The following LRRCC1 variants were observed in gnomAD, a reference collection of about 807,000 sequenced individuals.
The protein encoded by LRRCC1 is leucine rich repeat and coiled-coil centrosomal protein 1.
LRRCC1 carries 115 observed loss-of-function variants against 126.0 expected under a neutral mutation model. The ratio of observed to expected loss-of-function variants is 0.91; its 90% CI spans 0.78 to 1.07. LRRCC1 has a LOEUF of 1.07. Ranked by LOEUF, LRRCC1 falls within the 50% of genes least tolerant of loss-of-function variation. The pLI is 0.00. For missense variants in LRRCC1, 1,172 were observed against 1,175.7 expected, an observed-to-expected ratio of 1.00 and a Z score of 0.05; for synonymous variants, 400 against 393.4, an observed-to-expected ratio of 1.02 and a Z score of -0.20.
intron 12 of LRRCC1, among the ~76,000 whole-genome samples, chr8:85,133,193 A>G (rs1810609483): frequency 6.6e-6 from 1 of 152,174 alleles, no homozygotes; most frequent in Admixed American, 6.5e-5. Flanking sequence ...TTGTGAGTCA[A>G]ATTTGTCCTC....
chr8:85,140,755 G>A (rs1183491809), intron 17 of LRRCC1, among the ~76,000 whole-genome samples: 1 of 152,154 alleles, frequency 6.6e-6, no homozygotes, highest in African/African-American at 2.4e-5. Context: ...GTCATCATCT[G>A]TGAAGGTGCT....
At chr8:85,134,719 A>G in intron 12 of LRRCC1, 128 bp from the exon 13 acceptor site, 1 of 603,346 alleles carries the variant, frequency 1.7e-6, no homozygotes, top group Non-Finnish European at 2.7e-6. Flanking sequence ...ATCATCTGGA[A>G]ATTACTAGAT....
chr8:85,133,779 C>G (rs562542217), intron 12 of LRRCC1, among the ~76,000 whole-genome samples: 15 of 152,282 alleles, frequency 9.9e-5, no homozygotes, highest in Admixed American at 2.6e-4. Flanking sequence ...TAAGAGCTTT[C>G]AAGTTAATCT....
intron 3 of LRRCC1, 50 bp from the exon 4 acceptor site, chr8:85,112,882 A>G: frequency 7.5e-7 from 1 of 1,340,742 alleles, no homozygotes; most frequent in East Asian, 2.4e-5. Flanking sequence ...CTAATTAGCT[A>G]TTGGAAAGAC....
At chr8:85,138,719 CTAGTTCT>C (rs1275457679) in intron 17 of LRRCC1, among the ~76,000 whole-genome samples, 2 of 152,134 alleles carry the variant, frequency 1.3e-5, no homozygotes, top group African/African-American at 4.8e-5. Flanking sequence ...TATGAATTAT[CTAGTTCT>C]TAGAACAGTG....
Position 85,126,946 on chromosome 8 carries a change from G to A in LRRCC1, c.1421+109G>A, listed in dbSNP as rs944669587. 4.2e-6 allele frequency: 4 copies of A among 945,492 alleles called. No homozygotes were observed. The Admixed American group carries it at 1.1e-4, about 25-fold the overall frequency. 58.6% of individuals were successfully genotyped at this position (945,492 alleles called of 1,614,324 possible). A position where few individuals can be genotyped will look rare whatever the true frequency, so the allele number is the denominator to read the frequency against. ...GGTTCAATCAACAACAATGTATGTG[G>A]TTTTAGTTTGATTTGAACTAATTTT... On this transcript the variant is annotated intron_variant, in intron 9 of 18. Coordinates refer to ENST00000360375, the MANE Select transcript of LRRCC1 (RefSeq NM_033402.5).
intron 12 of LRRCC1, among the ~76,000 whole-genome samples, chr8:85,133,865 G>A (rs1248899486): frequency 6.6e-6 from 1 of 152,144 alleles, no homozygotes; most frequent in African/African-American, 2.4e-5. Flanking sequence ...TAAAATACAT[G>A]TTTGGTAATA....
At chr8:85,142,501 TAA>T in intron 18 of LRRCC1, among the ~76,000 whole-genome samples, 1 of 152,076 alleles carries the variant, frequency 6.6e-6, no homozygotes, top group Non-Finnish European at 1.5e-5. Flanking sequence ...TCAGCAACTA[TAA>T]AAGAGTTCAC....
Position 85,131,967 on chromosome 8 carries a change from A to T in LRRCC1, c.1968+6A>T, listed in dbSNP as rs558399661. The T allele has an allele frequency of 5.0e-6, 8 of 1,604,298 alleles. No individual in the cohort carries two copies. In the East Asian group the frequency reaches 1.6e-4, roughly 31 times the overall value. On this transcript the variant is annotated splice_donor_region_variant and intron_variant, in intron 12 of 18. Transcript: ENST00000360375. Reference sequence around the variant, plus strand: ...AAGCCAGAAGATTTCAAGATGTAAGAATTGGCACCCAGCTTTTTATTGAAA... The same window carrying T: ...AAGCCAGAAGATTTCAAGATGTAAGTATTGGCACCCAGCTTTTTATTGAAA...
chr8:85,115,306 A>G (rs935347176), intron 5 of LRRCC1, 31 bp downstream of exon 5: 4 of 1,567,382 alleles, frequency 2.6e-6, no homozygotes, highest in Non-Finnish European at 8.7e-7. Context: ...TTCCTAATAT[A>G]AAAAATACCT....
intron 7 of LRRCC1, among the ~76,000 whole-genome samples, 160 bp downstream of exon 7, chr8:85,123,766 G>A (rs1402726826): frequency 6.6e-6 from 1 of 152,066 alleles, no homozygotes; most frequent in Non-Finnish European, 1.5e-5. Context: ...TCATGTAAAT[G>A]TATATAAAAG....
chr8:85,137,969 T>C, intron 15 of LRRCC1, 66 bp from the exon 16 acceptor site: 1 of 785,914 alleles, frequency 1.3e-6, no homozygotes, highest in Non-Finnish European at 2.0e-6. Context: ...TTAAACCATA[T>C]CTAATTAACC....
At chr8:85,122,617 A>G (rs544011659) in intron 6 of LRRCC1, among the ~76,000 whole-genome samples, 7 of 152,216 alleles carry the variant, frequency 4.6e-5, no homozygotes, top group Admixed American at 2.6e-4. Context: ...TTCATTTATG[A>G]CAGGTGTATT....
In LRRCC1 at chr8:85,124,714, A is replaced by G. The variant is rs1809835736; in HGVS notation, c.1125-78A>G. On this transcript the variant is annotated intron_variant, in intron 7 of 18. Transcript: ENST00000360375. ...TTTTTAAAAAGCTGTTTGCATATACAACTAGAAATGTTAATTTAGAGAAAA... is the reference window on the plus strand; with the variant it reads ...TTTTTAAAAAGCTGTTTGCATATACGACTAGAAATGTTAATTTAGAGAAAA... 4.4e-6 allele frequency: 4 copies of G among 907,396 alleles called. No homozygotes were observed. The Admixed American group carries it at 1.1e-4, about 26-fold the overall frequency. 56.2% of individuals were successfully genotyped at this position (907,396 alleles called of 1,614,324 possible).
At position 85,115,354 on chromosome 8, in the gene LRRCC1, T is replaced by G. The variant is rs771561935; in HGVS notation, c.721-21T>G. ...AAGTGAATATAAATTAAAAGGATTT[T>G]GGTTTGTTTCTGTGTCATAGATCAT... On this transcript the variant is annotated intron_variant, in intron 5 of 18. Transcript: ENST00000360375. The G allele has an allele frequency of 6.0e-5, 96 of 1,591,102 alleles. 1 individual carries two copies. The highest frequency in any genetic ancestry group is 8.1e-5 in the Non-Finnish European group (94 of 1,166,054).
At chr8:85,117,971 T>C (rs1406126958) in intron 6 of LRRCC1, among the ~76,000 whole-genome samples, 1 of 152,144 alleles carries the variant, frequency 6.6e-6, no homozygotes, top group Non-Finnish European at 1.5e-5. Context: ...ATATATCTGT[T>C]ATCCAAATTT....
chr8:85,134,830 A>G lies in LRRCC1; in HGVS notation c.1969-17A>G. On this transcript the variant is annotated splice_polypyrimidine_tract_variant and intron_variant, in intron 12 of 18. Transcript: ENST00000360375. ...TATTTGGAGAACTGCTATTTATAAT[A>G]CAATTTTGGAATATAGGTTAAAGAT... 1.3e-6 allele frequency: 2 copies of G among 1,522,344 alleles called. No individual in the cohort carries two copies. Among genetic ancestry groups the G allele is most frequent in the East Asian group, 2.4e-5 (1 of 42,282 alleles). The allele number at this position is 1,522,344 out of a possible 1,614,324, so 94.3% of individuals were successfully genotyped here. A position where few individuals can be genotyped will look rare whatever the true frequency, so the allele number is the denominator to read the frequency against.
At chr8:85,123,363 C>CT in intron 6 of LRRCC1, 50 bp from the exon 7 acceptor site, 1 of 1,228,790 alleles carries the variant, frequency 8.1e-7, no homozygotes, top group Non-Finnish European at 1.2e-6. Context: ...CAATTTCAAT[C>CT]TTTTTTATAC....
chr8:85,135,057 T>G, intron 13 of LRRCC1, 25 bp downstream of exon 13: 1 of 1,416,488 alleles, frequency 7.1e-7, no homozygotes, highest in Non-Finnish European at 9.2e-7. Flanking sequence ...CATTATATGT[T>G]TTAAAATTTT....
Sources: allele counts gnomAD v4.1 joint callset (sites outside exome capture counted in the v4.1 genomes callset), GRCh38; gene constraint gnomAD v4.1.1; transcripts MANE v1.5; gene names NCBI Gene and HGNC (gene_info 2026-07-23, HGNC 2026-07-21).